The following XCR1 variants were observed in gnomAD, a reference collection of about 807,000 sequenced individuals.
XCR1 encodes chemokine XC receptor 1.
For missense variants in XCR1, 356 were observed against 424.2 expected (o/e 0.84, Z 1.41); for synonymous variants, 187 against 188.5 (o/e 0.99, Z 0.06).
chr3:46,018,014 T>C lies in XCR1; in HGVS notation c.*2932A>G, dbSNP rs2125891654. On this transcript the variant is annotated 3_prime_UTR_variant, in exon 2 of 2. Coordinates refer to ENST00000309285, the MANE Select transcript of XCR1 (RefSeq NM_001024644.2). ...ATCTGCCACTCCCTCTCTGACTGGG[T>C]TACCCTTCTATCTTCCTATTCATAC... 1 of 152,420 alleles carries C rather than the reference T, an allele frequency of 6.6e-6. No individual in the cohort carries two copies. The highest frequency in any genetic ancestry group is 3.4e-3 in the Middle Eastern group (1 of 296). 9.4% of individuals were successfully genotyped at this position (152,420 alleles called of 1,614,324 possible).
chr3:46,025,731 T>A (rs1708275750), intron 1 of XCR1, among the ~76,000 whole-genome samples: 1 of 152,212 alleles, frequency 6.6e-6, no homozygotes, highest in Admixed American at 6.5e-5. Context: ...TTCTAGTGAT[T>A]TTTTTAAACA....
Position 46,056,066 on chromosome 3 carries a change from G to C in XCR1, c.-182-1996C>G, listed in dbSNP as rs540827541. Among the ~76,000 whole-genome samples, 74 of 152,278 alleles carry C rather than the reference G, an allele frequency of 4.9e-4. No individual in the cohort carries two copies. In the South Asian group the frequency reaches 0.015, roughly 31 times the overall value. On this transcript the variant is annotated intron_variant, in intron 4 of 5. Transcript: ENST00000683768. ...CAAGATTGGGCTTGGGGTTGGGATT[G>C]GTTGTTAAGCAGTCTCTTGACTCCT...
intron 5 of XCR1, among the ~76,000 whole-genome samples, chr3:46,043,310 T>C (rs1697567768): frequency 6.6e-6 from 1 of 151,746 alleles, no homozygotes; most frequent in African/African-American, 2.4e-5. Context: ...CACGGTGGTC[T>C]ATATCCTATA....
chr3:46,085,444 T>C (rs1456473691), intron 1 of XCR1, among the ~76,000 whole-genome samples: 1 of 152,226 alleles, frequency 6.6e-6, no homozygotes, highest in African/African-American at 2.4e-5. Flanking sequence ...TGACAATTGT[T>C]CTGCAGCCTG....
intron 4 of XCR1, among the ~76,000 whole-genome samples, chr3:46,062,742 G>A (rs1697987473): frequency 6.6e-6 from 1 of 152,252 alleles, no homozygotes; most frequent in Non-Finnish European, 1.5e-5. Context: ...CTTTCCCCAG[G>A]AGGCAACAGG....
rs1198678804 is a variant in XCR1 at position 46,021,192 on chromosome 3, C to G, written c.756G>C (p.Arg252=). 1 of 1,614,190 alleles carries G rather than the reference C, an allele frequency of 6.2e-7. No individual in the cohort carries two copies. Residue 252 remains arginine (R), a synonymous_variant, in exon 2 of 2, where the codon CGG becomes CGC. Transcript: ENST00000309285. The surrounding 1 kb of genome is among the most constrained non-coding windows in gnomAD (Gnocchi z 4.7). ...CCTCGCAGCTCCGGATGATCTGGGT[C>G]CGAAACAGCGTCTGCAGAAACAGGG... ...NFTLFLQTLF[R]TQIIRSCEAK...
intron 1 of XCR1, chr3:46,024,103 C>A: frequency 1.3e-6 from 1 of 782,920 alleles, no homozygotes; most frequent in Non-Finnish European, 2.2e-6. Flanking sequence ...ATCTCCAGAA[C>A]TTCCCCTTAT....
intron 2 of XCR1, among the ~76,000 whole-genome samples, chr3:46,075,521 A>G (rs1300270479): frequency 1.3e-5 from 2 of 152,122 alleles, no homozygotes; most frequent in Non-Finnish European, 2.9e-5. Flanking sequence ...TATAATACAT[A>G]AAAGAAAGAA....
intron 4 of XCR1, among the ~76,000 whole-genome samples, chr3:46,061,263 C>T (rs1697956461): frequency 6.6e-6 from 1 of 152,166 alleles, no homozygotes; most frequent in South Asian, 2.1e-4. Flanking sequence ...GGGGAATTGT[C>T]CCTATCAGAG....
upstream of XCR1, among the ~76,000 whole-genome samples, chr3:46,031,240 T>C (rs76733593): frequency 0.16 from 24,589 of 152,258 alleles, 2,126 homozygotes; most frequent in East Asian, 0.26. Flanking sequence ...ACAGCCACCC[T>C]GCTGTAGCTA....
chr3:46,022,058 G>A (rs1708167652), intron 1 of XCR1, 80 bp from the exon 2 acceptor site: 1 of 1,287,700 alleles, frequency 7.8e-7, no homozygotes. Flanking sequence ...TAGCACTTTG[G>A]AAAGGCCAAA....
intron 5 of XCR1, among the ~76,000 whole-genome samples, chr3:46,033,076 C>G (rs577003894): frequency 1.3e-5 from 2 of 150,076 alleles, no homozygotes; most frequent in Admixed American, 1.3e-4. Flanking sequence ...TCTGGCTTGT[C>G]TATTCATTCT....
intron 1 of XCR1, among the ~76,000 whole-genome samples, chr3:46,080,428 G>A (rs1698337353): frequency 6.6e-6 from 1 of 152,170 alleles, no homozygotes; most frequent in Non-Finnish European, 1.5e-5. Context: ...CAAGCATGGT[G>A]GCTCACATCT....
chr3:46,056,684 G>A (rs777912857), intron 4 of XCR1, among the ~76,000 whole-genome samples: 15 of 151,304 alleles, frequency 9.9e-5, no homozygotes, highest in Admixed American at 4.6e-4. Context: ...ATGGGGTTTC[G>A]CCATCTTGCT....
chr3:46,066,217 C>CCT (rs1553634870), intron 4 of XCR1, among the ~76,000 whole-genome samples: 35 of 150,286 alleles, frequency 2.3e-4, no homozygotes, highest in African/African-American at 8.8e-4. Context: ...TCCCTCCCTC[C>CCT]CTCGCTCTCT....
chr3:46,080,432 C>T (rs1698337531), intron 1 of XCR1, among the ~76,000 whole-genome samples: 1 of 152,134 alleles, frequency 6.6e-6, no homozygotes, highest in Non-Finnish European at 1.5e-5. Context: ...CATGGTGGCT[C>T]ACATCTGTAA....
At position 46,020,961 on chromosome 3, in the gene XCR1, G is replaced by A. The variant is rs148878887; in HGVS notation, c.987C>T (p.Gly329=). The part of the protein sequence containing the change: ...PHSPGAFAYE[G]ASFY Reference sequence around the variant, plus strand: ...CACAGGCCCCTCAGTAGAAGGAGGCGCCCTCATAGGCGAAGGCACCAGGGG... The same window carrying A: ...CACAGGCCCCTCAGTAGAAGGAGGCACCCTCATAGGCGAAGGCACCAGGGG... The change falls in exon 2 of 2, where the codon GGC becomes GGT. Residue 329 remains glycine (G), a synonymous_variant. Coordinates refer to ENST00000309285, the MANE Select transcript of XCR1 (RefSeq NM_001024644.2). 198 of 1,612,070 alleles carry A rather than the reference G, an allele frequency of 1.2e-4. 3 individuals are homozygous for A. The Middle Eastern group carries it at 6.8e-3, about 55-fold the overall frequency.
chr3:46,053,416 C>T (rs1028369542), intron 5 of XCR1, among the ~76,000 whole-genome samples: 34 of 151,302 alleles, frequency 2.2e-4, no homozygotes, highest in African/African-American at 7.9e-4. Context: ...CCGAAGGAGG[C>T]GGTACAGATG....
rs557167750 is a variant in XCR1 at position 46,042,190 on chromosome 3, T to G, written c.-32+11730A>C. Among the ~76,000 whole-genome samples, 3 of 152,288 alleles carry G rather than the reference T, an allele frequency of 2.0e-5. No homozygotes were observed. In the South Asian group the frequency reaches 6.2e-4, roughly 32 times the overall value. ...TTTAAAGCAGTGCTCAGAGGGAAAT[T>G]TATACTGTAAATGCCTATACTTTAT... On this transcript the variant is annotated intron_variant, in intron 5 of 5. Transcript: ENST00000683768.
Sources: gnomAD v4.1 joint callset for allele counts (sites outside exome capture counted in the v4.1 genomes callset) on GRCh38, gnomAD v4.1.1 for gene constraint, Gnocchi (gnomAD v3.1) non-coding constraint, MANE v1.5 for transcripts, NCBI Gene and HGNC (gene_info 2026-07-23, HGNC 2026-07-21) for gene names.